The following UBASH3B variants were observed in gnomAD, a reference collection of about 807,000 sequenced individuals.
UBASH3B encodes the protein ubiquitin associated and SH3 domain containing B.
In UBASH3B, 37 loss-of-function variants were observed where a neutral mutation model predicts 83.4. The observed-to-expected ratio is 0.44, with a 90% CI of 0.34 to 0.58. The LOEUF (loss-of-function observed/expected upper bound fraction) is 0.58, where lower values mean the gene tolerates loss of function less well. UBASH3B is among the 20% of genes least tolerant of loss of function. The pLI, the probability that UBASH3B is intolerant of heterozygous loss-of-function variation, is 0.01. For missense variants in UBASH3B, 657 were observed against 827.2 expected (o/e 0.79, Z 2.52); for synonymous variants, 304 against 318.3 (o/e 0.96, Z 0.48).
chr11:122,662,372 G>T (rs1357267998), intron 1 of UBASH3B, among the ~76,000 whole-genome samples: 4 of 151,782 alleles, frequency 2.6e-5, no homozygotes, highest in South Asian at 4.2e-4. Context: ...ACCCCTTTGT[G>T]GTTAGTCCTC....
intron 1 of UBASH3B, among the ~76,000 whole-genome samples, chr11:122,748,126 C>G (rs988243449): frequency 6.6e-6 from 1 of 152,192 alleles, no homozygotes; most frequent in Non-Finnish European, 1.5e-5. Flanking sequence ...TTGGAAGAAA[C>G]ACATTGTGGC....
chr11:122,809,652 A>G lies in UBASH3B; in HGVS notation c.1813-97A>G, dbSNP rs1861403952. The G allele has an allele frequency of 5.2e-6, 7 of 1,345,760 alleles. No homozygotes were observed. In the Admixed American group the frequency reaches 1.1e-4, roughly 21 times the overall value. The allele number at this position is 1,345,760 out of a possible 1,614,324, so 83.4% of individuals were successfully genotyped here. ...AAGCCACTATCCATTTCTGACTGCA[A>G]TTCTCTAGGGCCACATGAATATCTT... On this transcript the variant is annotated intron_variant, in intron 13 of 13. Transcript: ENST00000284273.
In UBASH3B at chr11:122,768,470, ATGTGTG is replaced by A. The variant is rs568912747; in HGVS notation, c.162-7715_162-7710del. The stretch of plus-strand genomic sequence containing the variant: ...AAGAAAAAGATAGAGATATATATGT[ATGTGTG>A]TGTGTGTGTGTGTGTGTGTGTGTGT... On this transcript the variant is annotated intron_variant, in intron 1 of 13. Coordinates refer to ENST00000284273, the MANE Select transcript of UBASH3B (RefSeq NM_032873.5). Among the ~76,000 whole-genome samples the A allele has an allele frequency of 7.5e-3, 1,046 of 140,128 alleles. 9 individuals carry two copies. Among genetic ancestry groups the A allele is most frequent in the African/African-American group, 0.024 (887 of 36,724 alleles). 91.9% of individuals were successfully genotyped at this position (140,128 alleles called of 152,430 possible).
chr11:122,740,715 T>G (rs1024637730), intron 1 of UBASH3B, among the ~76,000 whole-genome samples: 16 of 152,086 alleles, frequency 1.1e-4, no homozygotes, highest in Admixed American at 1.0e-3. Context: ...AGGCCATCTG[T>G]GTACATGTGT....
chr11:122,676,034 T>C (rs992105633), intron 1 of UBASH3B, among the ~76,000 whole-genome samples: 1 of 152,194 alleles, frequency 6.6e-6, no homozygotes. Flanking sequence ...ACTGTGCCAA[T>C]GCACTGAAGT....
chr11:122,776,850 A>G (rs1030599491), intron 2 of UBASH3B, among the ~76,000 whole-genome samples, 174 bp from the exon 3 acceptor site: 1 of 152,130 alleles, frequency 6.6e-6, no homozygotes, highest in African/African-American at 2.4e-5. Flanking sequence ...TGCATCTGAG[A>G]ATTGGTTATG....
chr11:122,708,913 ACCTTC>A (rs537568793), intron 1 of UBASH3B, among the ~76,000 whole-genome samples: 23 of 152,248 alleles, frequency 1.5e-4, no homozygotes, highest in Middle Eastern at 3.4e-3. Context: ...ATTTCCCATC[ACCTTC>A]CCTTAATGCA....
At chr11:122,753,048 ATTG>A (rs997395394) in intron 1 of UBASH3B, among the ~76,000 whole-genome samples, 3 of 150,904 alleles carry the variant, frequency 2.0e-5, no homozygotes, top group Admixed American at 6.6e-5. Flanking sequence ...CTCTTCTCTT[ATTG>A]TTGTTGTTTT....
chr11:122,767,485 AT>A (rs1422574276), intron 1 of UBASH3B, among the ~76,000 whole-genome samples: 6 of 151,564 alleles, frequency 4.0e-5, no homozygotes, highest in Admixed American at 2.6e-4. Context: ...CAATTTTTGT[AT>A]TTTTTTAGTA....
chr11:122,727,373 G>C (rs2135949628), intron 1 of UBASH3B: 2 of 152,300 alleles, frequency 1.3e-5, no homozygotes, highest in Middle Eastern at 3.4e-3. Context: ...TGCTTACTGT[G>C]GTGAATTTCC....
chr11:122,788,263 A>C (rs1423770773), intron 5 of UBASH3B, among the ~76,000 whole-genome samples: 1 of 152,188 alleles, frequency 6.6e-6, no homozygotes, highest in African/African-American at 2.4e-5. Flanking sequence ...GGCAAGAACC[A>C]TGTCTGGTTT....
intron 1 of UBASH3B, among the ~76,000 whole-genome samples, chr11:122,719,871 G>A (rs924891919): frequency 6.6e-6 from 1 of 152,158 alleles, no homozygotes; most frequent in Admixed American, 6.5e-5. Context: ...GGATGCAGGC[G>A]ATCAGTCCTC....
chr11:122,692,103 A>G (rs537274696), intron 1 of UBASH3B, among the ~76,000 whole-genome samples: 10 of 152,264 alleles, frequency 6.6e-5, no homozygotes, highest in African/African-American at 2.2e-4. Context: ...CTAAGCCCAG[A>G]TTTCCTCACT....
chr11:122,807,697 C>T (rs927520569), intron 12 of UBASH3B, among the ~76,000 whole-genome samples: 5 of 152,018 alleles, frequency 3.3e-5, no homozygotes, highest in African/African-American at 7.2e-5. Flanking sequence ...ACTGCAGGCA[C>T]AGGCCACCAC....
At chr11:122,656,992 A>G (rs1319549708) in intron 1 of UBASH3B, among the ~76,000 whole-genome samples, 1 of 152,152 alleles carries the variant, frequency 6.6e-6, no homozygotes. Flanking sequence ...GTTTGCCAGC[A>G]TAGGGTGGCG....
At chr11:122,771,523 G>A (rs984288153) in intron 1 of UBASH3B, among the ~76,000 whole-genome samples, 2 of 152,176 alleles carry the variant, frequency 1.3e-5, no homozygotes, top group African/African-American at 4.8e-5. Flanking sequence ...TTACAGGCGT[G>A]AGCCACCGTG....
At position 122,655,886 on chromosome 11, in the gene UBASH3B, C is replaced by CA; in HGVS notation, c.-163dup. ...CTCCTGTGGCCTCACCAGGAAGCGT[C>CA]AGAGTCCCGACACTGGGGAAGCTCG... On this transcript the variant is annotated 5_prime_UTR_variant, in exon 1 of 14. Transcript: ENST00000284273. The CA allele has an allele frequency of 1.3e-6, 1 of 748,818 alleles. No individual in the cohort carries two copies. The highest frequency in any genetic ancestry group is 2.0e-6 in the Non-Finnish European group (1 of 503,558). The allele number at this position is 748,818 out of a possible 1,614,324, so 46.4% of individuals were successfully genotyped here.
rs146559473 is a variant in UBASH3B, at chr11:122,688,448, G to GTTT, written c.161+32239_161+32241dup. 1.0e-3 allele frequency among the ~76,000 whole-genome samples: 126 copies of GTTT among 121,488 alleles called. 9 individuals are homozygous for GTTT. Among genetic ancestry groups the GTTT allele is most frequent in the African/African-American group, 2.6e-3 (89 of 34,276 alleles). 79.7% of individuals were successfully genotyped at this position (121,488 alleles called of 152,430 possible). ...CGCTAATTTTGGGGTTTTGTGGTTT[G>GTTT]TTTGTTTTTTTTTTTGAGACGGAGT... On this transcript the variant is annotated intron_variant, in intron 1 of 13. Coordinates refer to ENST00000284273, the MANE Select transcript of UBASH3B (RefSeq NM_032873.5).
At chr11:122,725,797 G>A (rs1460771038) in intron 1 of UBASH3B, among the ~76,000 whole-genome samples, 7 of 151,806 alleles carry the variant, frequency 4.6e-5, no homozygotes, top group Non-Finnish European at 8.8e-5. Context: ...GGGTTCAAGC[G>A]ATTCTCCTGC....
Sources: allele counts gnomAD v4.1 joint callset (sites outside exome capture counted in the v4.1 genomes callset), GRCh38; gene constraint gnomAD v4.1.1; transcripts MANE v1.5; gene names NCBI Gene and HGNC (gene_info 2026-07-23, HGNC 2026-07-21).